The following CDH8 variants were observed in gnomAD, a reference collection of about 807,000 sequenced individuals.
CDH8 encodes the protein cadherin 8.
A neutral mutation model predicts 68.1 loss-of-function variants in CDH8; 17 were observed. The observed-to-expected ratio is 0.25, with a 90% CI of 0.17 to 0.37. The LOEUF (loss-of-function observed/expected upper bound fraction) is 0.37, where lower values mean the gene tolerates loss of function less well. CDH8 is among the 10% of genes least tolerant of loss of function. The pLI is 1.00. For missense variants in CDH8, 763 were observed against 999.3 expected (o/e 0.76, Z 3.19); for synonymous variants, 372 against 365.1 (o/e 1.02, Z -0.21).
At chr16:61,793,403 C>T (rs565235907) in intron 7 of CDH8, among the ~76,000 whole-genome samples, 2 of 151,924 alleles carry the variant, frequency 1.3e-5, no homozygotes, top group South Asian at 2.1e-4. Context: ...TGATCCTCTC[C>T]CTCCTCCCTC....
In CDH8 at chr16:61,821,240, G is replaced by A. The variant is rs968727591; in HGVS notation, c.836-127C>T. On this transcript the variant is annotated intron_variant, in intron 5 of 11. Coordinates refer to ENST00000577390, the MANE Select transcript of CDH8 (RefSeq NM_001796.5). ...TATAGATGCTACCAATAAAGTGATAGAAAAGACAGAAATATCCGTTTCCCT... is the reference window on the plus strand; with the variant it reads ...TATAGATGCTACCAATAAAGTGATAAAAAAGACAGAAATATCCGTTTCCCT... The A allele has an allele frequency of 6.9e-6, 4 of 580,716 alleles. No individual in the cohort carries two copies. In the African/African-American group the frequency reaches 7.4e-5, roughly 11 times the overall value. The allele number at this position is 580,716 out of a possible 1,614,324, so 36.0% of individuals were successfully genotyped here.
intron 2 of CDH8, among the ~76,000 whole-genome samples, chr16:62,004,718 T>C (rs919436415): frequency 6.6e-6 from 1 of 152,260 alleles, no homozygotes; most frequent in Non-Finnish European, 1.5e-5. Context: ...TAAAACAATA[T>C]ACTTTAAATA....
At chr16:61,829,560 C>T (rs1962412959) in intron 4 of CDH8, among the ~76,000 whole-genome samples, 2 of 151,862 alleles carry the variant, frequency 1.3e-5, no homozygotes, top group Admixed American at 1.3e-4. Context: ...GCAGGGCAGA[C>T]TGTTTTCTTA....
intron 4 of CDH8, among the ~76,000 whole-genome samples, chr16:61,832,920 G>C (rs1347248904): frequency 6.6e-6 from 1 of 151,594 alleles, no homozygotes; most frequent in African/African-American, 2.4e-5. Flanking sequence ...ATGTTTTAGT[G>C]CAGGCACTGG....
chr16:62,008,001 G>C (rs1279809535), intron 2 of CDH8, among the ~76,000 whole-genome samples: 1 of 151,994 alleles, frequency 6.6e-6, no homozygotes, highest in Admixed American at 6.6e-5. Context: ...CACCAAGGCT[G>C]GAGTGCAGTG....
intron 10 of CDH8, among the ~76,000 whole-genome samples, chr16:61,696,208 A>T (rs1567427377): frequency 6.6e-6 from 1 of 152,092 alleles, no homozygotes; most frequent in Non-Finnish European, 1.5e-5. Flanking sequence ...TCTGTGACTT[A>T]CTCTTTATTT....
chr16:61,756,467 G>A (rs1245947730), intron 8 of CDH8, among the ~76,000 whole-genome samples: 1 of 151,946 alleles, frequency 6.6e-6, no homozygotes, highest in Non-Finnish European at 1.5e-5. Flanking sequence ...TAGATTTTGG[G>A]AGGCAACAGA....
intron 7 of CDH8, among the ~76,000 whole-genome samples, chr16:61,812,700 C>A (rs1044195741): frequency 1.3e-5 from 2 of 152,156 alleles, no homozygotes; most frequent in African/African-American, 4.8e-5. Flanking sequence ...CATATAACAA[C>A]TTTTCAGAGT....
intron 9 of CDH8, among the ~76,000 whole-genome samples, chr16:61,721,944 T>G (rs1959221896): frequency 6.6e-6 from 1 of 150,792 alleles, no homozygotes; most frequent in South Asian, 2.1e-4. Context: ...GATGTGTGTG[T>G]ACATTTTTCA....
At chr16:62,029,410 G>A (rs577365433) in intron 1 of CDH8, among the ~76,000 whole-genome samples, 1 of 152,140 alleles carries the variant, frequency 6.6e-6, no homozygotes, top group Non-Finnish European at 1.5e-5. Context: ...ATGAACCAGG[G>A]TGGGTATAAA....
At chr16:61,737,869 G>A (rs1959744371) in intron 8 of CDH8, among the ~76,000 whole-genome samples, 1 of 152,074 alleles carries the variant, frequency 6.6e-6, no homozygotes, top group Non-Finnish European at 1.5e-5. Context: ...ACAGAAGGAG[G>A]AGTTGACCAC....
At chr16:61,708,676 C>A (rs2142861785) in intron 10 of CDH8, among the ~76,000 whole-genome samples, 2 of 152,282 alleles carry the variant, frequency 1.3e-5, no homozygotes, top group East Asian at 3.9e-4. Flanking sequence ...GTTTAGGTGA[C>A]AAAATGAAAC....
At chr16:61,904,984 G>A (rs1189401842) in intron 2 of CDH8, among the ~76,000 whole-genome samples, 3 of 152,236 alleles carry the variant, frequency 2.0e-5, no homozygotes, top group Non-Finnish European at 2.9e-5. Flanking sequence ...GATCTAGGTT[G>A]CATGCTCCTT....
At chr16:61,984,070 C>T (rs544832568) in intron 2 of CDH8, among the ~76,000 whole-genome samples, 11 of 152,068 alleles carry the variant, frequency 7.2e-5, no homozygotes, top group Admixed American at 3.3e-4. Flanking sequence ...GGCGTGAGCC[C>T]ACCACACCTG....
intron 2 of CDH8, among the ~76,000 whole-genome samples, chr16:61,959,292 GAAAA>G (rs1401981874): frequency 6.6e-6 from 1 of 151,778 alleles, no homozygotes; most frequent in East Asian, 1.9e-4. Flanking sequence ...GTGAAAAAAA[GAAAA>G]AAAGACATCA....
At chr16:61,802,760 TA>T (rs1448741907) in intron 7 of CDH8, among the ~76,000 whole-genome samples, 1 of 135,790 alleles carries the variant, frequency 7.4e-6, no homozygotes, top group Non-Finnish European at 1.6e-5. Flanking sequence ...AAGGGAAGGT[TA>T]GAGAAAAAAG....
intron 2 of CDH8, among the ~76,000 whole-genome samples, chr16:62,002,024 T>C (rs963750934): frequency 6.6e-6 from 1 of 152,172 alleles, no homozygotes; most frequent in Non-Finnish European, 1.5e-5. Context: ...TTCTTCAAAG[T>C]AAATGTTCAT....
At chr16:61,974,702 C>T (rs1415809427) in intron 2 of CDH8, among the ~76,000 whole-genome samples, 5 of 152,044 alleles carry the variant, frequency 3.3e-5, no homozygotes, top group Non-Finnish European at 5.9e-5. Flanking sequence ...TTTGTTTCAG[C>T]GTCTTAAGTG....
intron 2 of CDH8, among the ~76,000 whole-genome samples, chr16:61,981,568 C>T (rs1457756201): frequency 6.6e-6 from 1 of 152,134 alleles, no homozygotes; most frequent in African/African-American, 2.4e-5. Context: ...AGAGTAATCC[C>T]TTCACTTTTT....
Sources: allele counts gnomAD v4.1 joint callset (sites outside exome capture counted in the v4.1 genomes callset), GRCh38; gene constraint gnomAD v4.1.1; transcripts MANE v1.5; gene names NCBI Gene and HGNC (gene_info 2026-07-23, HGNC 2026-07-21).